The following EPHA5 variants were observed in gnomAD, a reference collection of about 807,000 sequenced individuals.
EPHA5 encodes the protein ephrin type-A receptor 5.
In EPHA5, 60 loss-of-function variants were observed where a neutral mutation model predicts 105.0. That is an observed-to-expected ratio of 0.57 (90% CI 0.46 to 0.71). The LOEUF is 0.71. Ranked by LOEUF, EPHA5 falls within the 30% of genes least tolerant of loss-of-function variation. The probability of loss-of-function intolerance (pLI) is 0.00; values close to 1 mark genes in which losing one functional copy is unlikely to be tolerated. For missense variants in EPHA5, 1,218 were observed against 1,274.7 expected (o/e 0.96, Z 0.68); for synonymous variants, 513 against 449.1 (o/e 1.14, Z -1.80).
At chr4:65,332,687 A>G (rs1439879163) in intron 15 of EPHA5, among the ~76,000 whole-genome samples, 3 of 151,710 alleles carry the variant, frequency 2.0e-5, no homozygotes, top group Non-Finnish European at 4.4e-5. Flanking sequence ...CCTTCCACTC[A>G]ATTTTGCTGT....
intron 8 of EPHA5, 133 bp downstream of exon 8, chr4:65,404,241 T>C (rs972978658): frequency 3.3e-5 from 21 of 645,308 alleles, no homozygotes; most frequent in Non-Finnish European, 8.2e-6. Context: ...AGGAATTGCA[T>C]CATGTATTGA....
At chr4:65,637,873 G>A (rs1181206257) in intron 2 of EPHA5, among the ~76,000 whole-genome samples, 1 of 151,914 alleles carries the variant, frequency 6.6e-6, no homozygotes, top group Admixed American at 6.6e-5. Context: ...TTGTAAAGTG[G>A]CAAATATGAA....
intron 3 of EPHA5, among the ~76,000 whole-genome samples, chr4:65,513,221 T>A (rs983444237): frequency 6.6e-6 from 1 of 152,204 alleles, no homozygotes; most frequent in Non-Finnish European, 1.5e-5. Flanking sequence ...ATATTCTTGA[T>A]AGATTTTCAT....
chr4:65,574,122 C>T, intron 3 of EPHA5: 16 of 1,608,792 alleles, frequency 9.9e-6, no homozygotes, highest in Middle Eastern at 1.9e-4. Flanking sequence ...CAAGAAGAAG[C>T]AGCTGCGGAA....
chr4:65,554,280 T>C (rs753199457), intron 3 of EPHA5, among the ~76,000 whole-genome samples: 1 of 149,306 alleles, frequency 6.7e-6, no homozygotes. Context: ...ATAATTAAAA[T>C]ATCTTTTCCA....
At chr4:65,335,829 C>G (rs1468118386) in intron 15 of EPHA5, 103 bp downstream of exon 15, 1 of 1,188,518 alleles carries the variant, frequency 8.4e-7, no homozygotes, top group East Asian at 2.5e-5. Flanking sequence ...CATATAGATT[C>G]ACAGATTAAT....
At chr4:65,454,835 G>T (rs1181396808) in intron 5 of EPHA5, among the ~76,000 whole-genome samples, 1 of 152,218 alleles carries the variant, frequency 6.6e-6, no homozygotes, top group Non-Finnish European at 1.5e-5. Context: ...AATGGGTTAT[G>T]AATAGCCTTT....
chr4:65,641,961 G>A (rs756523878), intron 2 of EPHA5, among the ~76,000 whole-genome samples: 57 of 151,954 alleles, frequency 3.8e-4, no homozygotes, highest in Non-Finnish European at 7.1e-4. Context: ...GTATAAAATT[G>A]AGTAATTGTC....
chr4:65,382,603 G>A (rs1175984098), intron 8 of EPHA5, among the ~76,000 whole-genome samples: 1 of 151,704 alleles, frequency 6.6e-6, no homozygotes, highest in Non-Finnish European at 1.5e-5. Flanking sequence ...TAATAGTGAA[G>A]AAATTACATA....
At chr4:65,601,491 A>G (rs886315713) in intron 3 of EPHA5, 150 bp downstream of exon 3, 1 of 814,978 alleles carries the variant, frequency 1.2e-6, no homozygotes. Flanking sequence ...AAATTTTAAA[A>G]TTCTGAAAAG....
chr4:65,363,588 A>G (rs1011326625), intron 11 of EPHA5, among the ~76,000 whole-genome samples: 1 of 151,514 alleles, frequency 6.6e-6, no homozygotes, highest in Admixed American at 6.6e-5. Flanking sequence ...GTTTATTTTC[A>G]GAAAGTTGAA....
intron 5 of EPHA5, among the ~76,000 whole-genome samples, chr4:65,425,269 T>C (rs1578088065): frequency 6.6e-6 from 1 of 152,144 alleles, no homozygotes; most frequent in Non-Finnish European, 1.5e-5. Context: ...AAAATACATG[T>C]ATTTTACATT....
chr4:65,402,882 T>C (rs939374884), intron 8 of EPHA5, among the ~76,000 whole-genome samples: 1 of 152,100 alleles, frequency 6.6e-6, no homozygotes, highest in African/African-American at 2.4e-5. Flanking sequence ...TGAAATCAGC[T>C]TATCTTCCAG....
intron 8 of EPHA5, among the ~76,000 whole-genome samples, chr4:65,398,117 T>A (rs1486334164): frequency 6.6e-6 from 1 of 152,162 alleles, no homozygotes; most frequent in African/African-American, 2.4e-5. Flanking sequence ...CAAGCATTCT[T>A]GTGCTCTCAG....
At chr4:65,387,860 A>T (rs1720266298) in intron 8 of EPHA5, among the ~76,000 whole-genome samples, 1 of 151,484 alleles carries the variant, frequency 6.6e-6, no homozygotes, top group African/African-American at 2.4e-5. Flanking sequence ...GTACATGTGC[A>T]CAATGTGCAG....
At chr4:65,650,013 T>A (rs575438819) in intron 1 of EPHA5, among the ~76,000 whole-genome samples, 57 of 152,236 alleles carry the variant, frequency 3.7e-4, no homozygotes, top group African/African-American at 1.3e-3. Context: ...TAACAAATGA[T>A]ATTAACAAAT....
intron 16 of EPHA5, among the ~76,000 whole-genome samples, chr4:65,327,052 A>G (rs1720145428): frequency 1.3e-5 from 2 of 151,142 alleles, no homozygotes; most frequent in Non-Finnish European, 1.5e-5. Flanking sequence ...GTTATATTAG[A>G]GAAAAATATA....
At chr4:65,461,097 T>C (rs1458535977) in intron 5 of EPHA5, among the ~76,000 whole-genome samples, 1 of 151,916 alleles carries the variant, frequency 6.6e-6, no homozygotes, top group Non-Finnish European at 1.5e-5. Context: ...ACCATAACAC[T>C]AAATTTTAAC....
chr4:65,438,892 G>C (rs1355127089), intron 5 of EPHA5, among the ~76,000 whole-genome samples: 1 of 152,064 alleles, frequency 6.6e-6, no homozygotes, highest in Admixed American at 6.6e-5. Flanking sequence ...TGAGAACTTA[G>C]AACTGAAGTT....
Sources: gnomAD v4.1 joint callset for allele counts (sites outside exome capture counted in the v4.1 genomes callset) on GRCh38, gnomAD v4.1.1 for gene constraint, MANE v1.5 for transcripts, NCBI Gene and HGNC (gene_info 2026-07-23, HGNC 2026-07-21) for gene names.